The following COL5A1 variants were observed in gnomAD, a reference collection of about 807,000 sequenced individuals.
COL5A1 encodes the protein collagen alpha-1(V) chain.
Under a neutral mutation model 263.7 loss-of-function variants are expected in COL5A1, and 16 were observed. The ratio of observed to expected loss-of-function variants is 0.06; its 90% CI spans 0.04 to 0.09. The LOEUF is 0.09. Among genes scored for constraint, COL5A1 ranks in the 10% least tolerant of loss-of-function variants. The pLI is 1.00. For missense variants in COL5A1, 2,036 were observed against 2,540.5 expected (o/e 0.80, Z 4.27); for synonymous variants, 1,012 against 1,004.5 (o/e 1.01, Z -0.14).
intron 9 of COL5A1, 150 bp downstream of exon 9, chr9:134,732,277 G>A (rs111463434): frequency 1.0e-5 from 8 of 766,820 alleles, no homozygotes; most frequent in Non-Finnish European, 1.6e-5. Context: ...TGGAGTCCAC[G>A]CACCACTTGT....
chr9:134,764,539 A>G (rs1207478601), intron 20 of COL5A1, among the ~76,000 whole-genome samples: 9 of 152,130 alleles, frequency 5.9e-5, no homozygotes, highest in Admixed American at 3.9e-4. Context: ...TTCCCTAAGC[A>G]GACATATATT....
In COL5A1 at chr9:134,686,420, T is replaced by G. The variant is rs552346524; in HGVS notation, c.110-4492T>G. On this transcript the variant is annotated intron_variant, in intron 1 of 65. Transcript: ENST00000371817. The surrounding 1 kb of genome is among the most constrained non-coding windows in gnomAD (Gnocchi z 4.6). ...GGTGCATGCCACCAAGCCCAGCTAA[T>G]TTTTGTATTTATGTAGAGACGGGGT... Among the ~76,000 whole-genome samples the G allele has an allele frequency of 1.3e-5, 2 of 152,236 alleles. No homozygotes were observed. The highest frequency in any genetic ancestry group is 4.1e-4 in the South Asian group (2 of 4,820).
intron 4 of COL5A1, 91 bp downstream of exon 4, chr9:134,701,424 C>T (rs961178314): frequency 3.2e-5 from 43 of 1,343,528 alleles, no homozygotes; most frequent in East Asian, 1.2e-4. Context: ...CTCCTCGGGC[C>T]GGGACCGGCT....
intron 1 of COL5A1, among the ~76,000 whole-genome samples, chr9:134,667,392 C>A (rs1287118035): frequency 6.6e-6 from 1 of 152,194 alleles, no homozygotes; most frequent in Non-Finnish European, 1.5e-5. Flanking sequence ...GTCAGAGGGA[C>A]AAAGGATGTG....
At chr9:134,777,075 G>A (rs1458120546) in intron 27 of COL5A1, among the ~76,000 whole-genome samples, 5 of 152,206 alleles carry the variant, frequency 3.3e-5, no homozygotes, top group South Asian at 4.1e-4. Flanking sequence ...CAGCAGGCTC[G>A]TGTTCCTTTG....
At chr9:134,810,412 G>T (rs1838478411) in intron 44 of COL5A1, 104 bp downstream of exon 44, 1 of 1,100,776 alleles carries the variant, frequency 9.1e-7, no homozygotes, top group Non-Finnish European at 1.4e-6. Flanking sequence ...CGTTGCTGAT[G>T]ACTAGCGGGA....
Position 134,647,262 on chromosome 9 carries a change from G to A in COL5A1, c.109+4966G>A, listed in dbSNP as rs536552657. 3.9e-5 allele frequency among the ~76,000 whole-genome samples: 6 copies of A among 152,224 alleles called. No individual in the cohort carries two copies. The highest frequency in any genetic ancestry group is 9.6e-5 in the African/African-American group (4 of 41,528). On this transcript the variant is annotated intron_variant, in intron 1 of 65. Coordinates refer to ENST00000371817, the MANE Select transcript of COL5A1 (RefSeq NM_000093.5). The surrounding 1 kb of genome is among the most constrained non-coding windows in gnomAD (Gnocchi z 5.0). ...TGGCCTCGGTTCTTTGCTTTCCCACGGAACCTCATGGGGTCATTGTCCAGG... is the reference window on the plus strand; with the variant it reads ...TGGCCTCGGTTCTTTGCTTTCCCACAGAACCTCATGGGGTCATTGTCCAGG...
chr9:134,827,290 T>C (rs1252840055), intron 63 of COL5A1, among the ~76,000 whole-genome samples: 1 of 152,170 alleles, frequency 6.6e-6, no homozygotes, highest in African/African-American at 2.4e-5. Flanking sequence ...CCACTTTGGG[T>C]TAGGAGCCCA....
chr9:134,645,537 G>A (rs1168505978), intron 1 of COL5A1, among the ~76,000 whole-genome samples: 2 of 152,238 alleles, frequency 1.3e-5, no homozygotes, highest in Non-Finnish European at 2.9e-5. Context: ...GTCACGTGAC[G>A]TGGCTCTGGG....
chr9:134,673,319 A>G (rs58508630), intron 1 of COL5A1, among the ~76,000 whole-genome samples: 5,876 of 152,292 alleles, frequency 0.039, 296 homozygotes, highest in African/African-American at 0.12. Context: ...AGACATATAG[A>G]CCAATGGAAT....
intron 32 of COL5A1, among the ~76,000 whole-genome samples, chr9:134,792,851 GCACA>G (rs148606282): frequency 0.56 from 81,480 of 145,580 alleles, 22,472 homozygotes; most frequent in Admixed American, 0.6. Context: ...GTGTGTGTGC[GCACA>G]CGTGTGTGTG....
At chr9:134,769,423 A>G (rs75386752) in intron 25 of COL5A1, among the ~76,000 whole-genome samples, 1,634 of 152,312 alleles carry the variant, frequency 0.011, 29 homozygotes, top group African/African-American at 0.037. Flanking sequence ...ATCTTTTCCA[A>G]TGTGTTGTGT....
At chr9:134,767,751 T>C (rs768678140) in intron 24 of COL5A1, among the ~76,000 whole-genome samples, 1 of 152,238 alleles carries the variant, frequency 6.6e-6, no homozygotes, top group Non-Finnish European at 1.5e-5. Context: ...CTCCAGAGCC[T>C]ACTGTGTCCT....
intron 43 of COL5A1, 37 bp downstream of exon 43, chr9:134,809,327 G>A (rs771370156): frequency 6.6e-7 from 1 of 1,515,510 alleles, no homozygotes; most frequent in African/African-American, 1.4e-5. Flanking sequence ...GCTGGGCCTG[G>A]CTGGGCAGAC....
In COL5A1 at chr9:134,701,185, C is replaced by T. The variant is rs767803221; in HGVS notation, c.506C>T (p.Ala169Val). The T allele has an allele frequency of 1.2e-6, 2 of 1,613,964 alleles. No individual in the cohort carries two copies. The highest frequency in any genetic ancestry group is 1.1e-5 in the South Asian group (1 of 91,074). The change falls in exon 4 of 66, where the codon GCT becomes GTT. Residue 169 changes from alanine to valine, a missense_variant. By Grantham distance (64) the Ala-to-Val change is moderately conservative. Transcript: ENST00000371817. ...NLSDGKWHRI[A>V]LSVHKKNVTL... Reference sequence around the variant, plus strand: ...TTTCTTTGCAGGTGGCACAGAATTGCTCTCAGCGTCCACAAGAAAAATGTC... The same window carrying T: ...TTTCTTTGCAGGTGGCACAGAATTGTTCTCAGCGTCCACAAGAAAAATGTC...
intron 4 of COL5A1, among the ~76,000 whole-genome samples, chr9:134,715,795 CAGA>C (rs1458397733): frequency 1.3e-5 from 2 of 152,226 alleles, no homozygotes; most frequent in Non-Finnish European, 2.9e-5. Flanking sequence ...CATCTCAAGT[CAGA>C]AGAATTTTTC....
At chr9:134,825,095 A>G (rs1414227052) in intron 62 of COL5A1, among the ~76,000 whole-genome samples, 5 of 152,142 alleles carry the variant, frequency 3.3e-5, no homozygotes, top group African/African-American at 1.2e-4. Context: ...CCAGGTTCTC[A>G]TCTGGTCTTA....
intron 26 of COL5A1, 74 bp from the exon 27 acceptor site, chr9:134,774,785 C>G: frequency 6.7e-7 from 1 of 1,493,140 alleles, no homozygotes; most frequent in Non-Finnish European, 9.2e-7. Context: ...ATGCCGAACT[C>G]TGGAGTTTCC....
intron 1 of COL5A1, among the ~76,000 whole-genome samples, chr9:134,669,573 T>G (rs1341092773): frequency 6.6e-6 from 1 of 151,906 alleles, no homozygotes; most frequent in Non-Finnish European, 1.5e-5. Flanking sequence ...CTTTGAATGG[T>G]ACCAGATACA....
Sources: allele counts gnomAD v4.1 joint callset (sites outside exome capture counted in the v4.1 genomes callset), GRCh38; gene constraint gnomAD v4.1.1; non-coding constraint Gnocchi (gnomAD v3.1); transcripts MANE v1.5; gene names NCBI Gene and HGNC (gene_info 2026-07-23, HGNC 2026-07-21).